Variants in RBX1 observed in about 807,000 individuals in gnomAD.
The protein encoded by RBX1 is E3 ubiquitin-protein ligase RBX1.
For missense variants in RBX1, 46 were observed against 141.4 expected, an observed-to-expected ratio of 0.33 and a Z score of 3.42; for synonymous variants, 48 against 47.9, an observed-to-expected ratio of 1.00 and a Z score of -0.01.
At chr22:40,953,419 C>A in intron 1 of RBX1, 136 bp from the exon 2 acceptor site, 1 of 599,208 alleles carries the variant, frequency 1.7e-6, no homozygotes, top group South Asian at 1.8e-5. Context: ...ATAAGATTAA[C>A]GTAATATCCA....
intron 3 of RBX1, among the ~76,000 whole-genome samples, chr22:40,964,894 C>T (rs2058349892): frequency 6.6e-6 from 1 of 152,148 alleles, no homozygotes; most frequent in South Asian, 2.1e-4. Flanking sequence ...TCCTGGGTTC[C>T]CTCATAAAAT....
At chr22:40,963,810 C>T (rs559126802) in intron 2 of RBX1, among the ~76,000 whole-genome samples, 1 of 152,194 alleles carries the variant, frequency 6.6e-6, no homozygotes, top group Non-Finnish European at 1.5e-5. Context: ...CATGCCACTG[C>T]ACTGTAGCCT....
chr22:40,962,081 G>A (rs2058342065), intron 2 of RBX1, among the ~76,000 whole-genome samples: 1 of 147,876 alleles, frequency 6.8e-6, no homozygotes, highest in African/African-American at 2.7e-5. Context: ...ACTACTCCCA[G>A]CCTTTTATGG....
intron 3 of RBX1, among the ~76,000 whole-genome samples, chr22:40,964,812 G>C (rs897028680): frequency 6.6e-6 from 1 of 152,166 alleles, no homozygotes; most frequent in Non-Finnish European, 1.5e-5. Flanking sequence ...AGATTCTAGA[G>C]TCAGACCACC....
At chr22:40,957,433 C>T (rs1601535275) in intron 2 of RBX1, among the ~76,000 whole-genome samples, 1 of 151,812 alleles carries the variant, frequency 6.6e-6, no homozygotes, top group African/African-American at 2.4e-5. Context: ...ATCGCTTGAG[C>T]CTAGGAGTTC....
At chr22:40,958,883 G>T (rs56080538) in intron 2 of RBX1, among the ~76,000 whole-genome samples, 1 of 151,710 alleles carries the variant, frequency 6.6e-6, no homozygotes, top group African/African-American at 2.4e-5. Flanking sequence ...GCATGATCTC[G>T]GTGCACTGCA....
rs749653807 is a variant in RBX1, at chr22:40,972,751, GA to G, written c.*266del. The G allele has an allele frequency of 2.3e-4, 101 of 431,908 alleles. No individual in the cohort carries two copies. Among genetic ancestry groups the G allele is most frequent in the Middle Eastern group, 2.1e-3 (3 of 1,458 alleles). The allele number at this position is 431,908 out of a possible 1,614,324, so 26.8% of individuals were successfully genotyped here. On this transcript the variant is annotated 3_prime_UTR_variant, in exon 5 of 5. Transcript: ENST00000216225. ...GGCTGAAAACTCAGCTTTTGAAAGT[GA>G]AATGTTTGTTCATCGGGGCCAGAGC...
intron 3 of RBX1, among the ~76,000 whole-genome samples, chr22:40,965,867 C>G (rs184258923): frequency 6.6e-6 from 1 of 152,304 alleles, no homozygotes; most frequent in Admixed American, 6.5e-5. Flanking sequence ...GTATATTGGG[C>G]TCTTTGCCCT....
rs1472387894 is a variant in RBX1, at chr22:40,972,495, ACTT to A, written c.*12_*14del. On this transcript the variant is annotated 3_prime_UTR_variant, in exon 5 of 5. Transcript: ENST00000216225. ...TTTCAGGTATGGGCACTAGGAAAAG[ACTT>A]CTTCCATCAAGCTTAATTGTTTTGT... is the stretch of plus-strand genomic sequence containing the variant. The A allele has an allele frequency of 1.2e-6, 2 of 1,600,674 alleles. No individual in the cohort carries two copies. Among genetic ancestry groups the A allele is most frequent in the Non-Finnish European group, 1.7e-6 (2 of 1,167,914 alleles).
At chr22:40,953,687 C>G (rs925284765) in intron 2 of RBX1, 54 bp downstream of exon 2, 1 of 1,269,924 alleles carries the variant, frequency 7.9e-7, no homozygotes, top group African/African-American at 1.5e-5. Context: ...GAGATTGTGG[C>G]TATCTTGATG....
chr22:40,967,556 A>G, intron 3 of RBX1: 1 of 392,292 alleles, frequency 2.5e-6, no homozygotes, highest in South Asian at 3.3e-5. Context: ...GTGCTGGCAC[A>G]TACTCCTGTG....
In RBX1 at chr22:40,954,270, C is replaced by CAA. The variant is rs138624516; in HGVS notation, c.157+650_157+651dup. On this transcript the variant is annotated intron_variant, in intron 2 of 4. Transcript: ENST00000216225. ...GGCGACACAGCAAGACTCAAAGTCT[C>CAA]AAAAAAAAAAAAAAGTCTATCTGAT... Among the ~76,000 whole-genome samples, 853 of 133,480 alleles carry CAA rather than the reference C, an allele frequency of 6.4e-3. 8 individuals carry two copies. The highest frequency in any genetic ancestry group is 7.3e-3 in the Middle Eastern group (2 of 274). 87.6% of individuals were successfully genotyped at this position (133,480 alleles called of 152,430 possible).
intron 2 of RBX1, 65 bp downstream of exon 2, chr22:40,953,698 TG>T (rs2058317470): frequency 1.8e-6 from 2 of 1,133,140 alleles, no homozygotes; most frequent in African/African-American, 3.1e-5. Context: ...TATCTTGATG[TG>T]ACTGATTTTC....
At chr22:40,968,343 G>T (rs547995606) in intron 4 of RBX1, among the ~76,000 whole-genome samples, 1 of 151,928 alleles carries the variant, frequency 6.6e-6, no homozygotes, top group African/African-American at 2.4e-5. Context: ...TGCCTGCCTC[G>T]GTCTCCCAAA....
At chr22:40,970,795 T>C (rs563687975) in intron 4 of RBX1, among the ~76,000 whole-genome samples, 1 of 152,354 alleles carries the variant, frequency 6.6e-6, no homozygotes, top group South Asian at 2.1e-4. Context: ...AATCCATTAT[T>C]GGTGCAGTGA....
intron 2 of RBX1, among the ~76,000 whole-genome samples, chr22:40,961,281 T>C (rs1334945656): frequency 6.6e-6 from 1 of 151,292 alleles, no homozygotes; most frequent in East Asian, 1.9e-4. Context: ...GATGAGATGT[T>C]GCTGTGTTGC....
chr22:40,953,054 G>A (rs1010168020), intron 1 of RBX1, among the ~76,000 whole-genome samples: 2 of 134,452 alleles, frequency 1.5e-5, no homozygotes, highest in Non-Finnish European at 3.1e-5. Context: ...GCAGTGGCAC[G>A]ATCTTGGCTC....
At chr22:40,953,100 C>T (rs2058315874) in intron 1 of RBX1, among the ~76,000 whole-genome samples, 1 of 148,322 alleles carries the variant, frequency 6.7e-6, no homozygotes, top group Admixed American at 7.0e-5. Context: ...AAGCGATTCT[C>T]CTGCCTCAGC....
intron 4 of RBX1, among the ~76,000 whole-genome samples, chr22:40,971,752 T>C (rs1206520368): frequency 6.6e-6 from 1 of 152,076 alleles, no homozygotes; most frequent in African/African-American, 2.4e-5. Flanking sequence ...AGACGGGGTT[T>C]CACCATGTTG....
Sources: gnomAD v4.1 joint callset for allele counts (sites outside exome capture counted in the v4.1 genomes callset) on GRCh38, gnomAD v4.1.1 for gene constraint, MANE v1.5 for transcripts, NCBI Gene and HGNC (gene_info 2026-07-23, HGNC 2026-07-21) for gene names.